Variants in TYW1B observed in about 807,000 individuals in gnomAD.
The protein encoded by TYW1B is S-adenosyl-L-methionine-dependent tRNA 4-demethylwyosine synthase TYW1B.
Under a neutral mutation model 86.9 loss-of-function variants are expected in TYW1B, and 73 were observed. That is an observed-to-expected ratio of 0.84 (90% CI 0.70 to 1.02). The LOEUF (loss-of-function observed/expected upper bound fraction) is 1.02, where lower values mean the gene tolerates loss of function less well. Among genes scored for constraint, TYW1B ranks in the 50% least tolerant of loss-of-function variants. The pLI, the probability that TYW1B is intolerant of heterozygous loss-of-function variation, is 0.00. For missense variants in TYW1B, 637 were observed against 827.4 expected (o/e 0.77, Z 2.82); for synonymous variants, 248 against 292.8 (o/e 0.85, Z 1.56).
At chr7:72,658,203 A>G (rs1370637473) in intron 11 of TYW1B, among the ~76,000 whole-genome samples, 1 of 152,138 alleles carries the variant, frequency 6.6e-6, no homozygotes, top group Non-Finnish European at 1.5e-5. Context: ...GTAAGCTGAG[A>G]TCGCGCCACT....
chr7:72,579,763 A>G (rs1254778126), intron 13 of TYW1B, among the ~76,000 whole-genome samples: 3 of 151,752 alleles, frequency 2.0e-5, no homozygotes, highest in African/African-American at 7.3e-5. Flanking sequence ...CCATCCTCCC[A>G]CCTCAGCCTC....
chr7:72,822,741 A>G (rs78481577), intron 2 of TYW1B, among the ~76,000 whole-genome samples: 10,043 of 125,494 alleles, frequency 0.08, no homozygotes, highest in Admixed American at 0.15. Context: ...GGGCATGGTG[A>G]TTCATGCCTC....
At position 72,575,118 on chromosome 7, in the gene TYW1B, G is replaced by A; in HGVS notation, c.*380C>T. On this transcript the variant is annotated 3_prime_UTR_variant, in exon 14 of 14. Coordinates refer to ENST00000620995, the MANE Select transcript of TYW1B (RefSeq NM_001145440.3). ...AGTGGCTGCTCCATGAAATCCAAGG[G>A]CCAGGTGAGGGGAAGAGGCCCAGGG... is the stretch of plus-strand genomic sequence containing the variant. 2.8e-6 allele frequency: 3 copies of A among 1,054,154 alleles called. No individual in the cohort carries two copies. The highest frequency in any genetic ancestry group is 3.4e-6 in the Non-Finnish European group (3 of 872,906). 65.3% of individuals were successfully genotyped at this position (1,054,154 alleles called of 1,614,324 possible).
chr7:72,657,729 C>A (rs1235729995), intron 11 of TYW1B, among the ~76,000 whole-genome samples: 1 of 152,134 alleles, frequency 6.6e-6, no homozygotes, highest in African/African-American at 2.4e-5. Flanking sequence ...AATACTACAT[C>A]CAGCAAAACT....
intron 6 of TYW1B, among the ~76,000 whole-genome samples, chr7:72,798,208 G>A (rs1255012987): frequency 3.3e-5 from 5 of 151,902 alleles, no homozygotes; most frequent in South Asian, 2.1e-4. Context: ...TCGAGACCAC[G>A]GTGAAACCCC....
chr7:72,706,821 T>G (rs750150207), intron 10 of TYW1B, among the ~76,000 whole-genome samples: 1 of 152,176 alleles, frequency 6.6e-6, no homozygotes, highest in Non-Finnish European at 1.5e-5. Context: ...AAGTCCAGAT[T>G]TTATGTAAAA....
chr7:72,773,587 G>C (rs1787902847), intron 7 of TYW1B, among the ~76,000 whole-genome samples: 1 of 152,202 alleles, frequency 6.6e-6, no homozygotes, highest in Non-Finnish European at 1.5e-5. Context: ...TTGAAAGCTA[G>C]AGAGATGAAA....
In TYW1B at chr7:72,796,432, C is replaced by T. The variant is rs574865817; in HGVS notation, c.846+5968G>A. 9.2e-3 allele frequency among the ~76,000 whole-genome samples: 1,284 copies of T among 139,904 alleles called. 13 individuals are homozygous for T. Among genetic ancestry groups the T allele is most frequent in the African/African-American group, 0.032 (1,225 of 37,904 alleles). 91.8% of individuals were successfully genotyped at this position (139,904 alleles called of 152,430 possible). A position where few individuals can be genotyped will look rare whatever the true frequency, so the allele number is the denominator to read the frequency against. The stretch of plus-strand genomic sequence containing the variant: ...CTAATTTTTAGTCGAGACAGGGTTT[C>T]ACCATGTTGGCCAGGTTGGTCTTGA... On this transcript the variant is annotated intron_variant, in intron 6 of 13. Coordinates refer to ENST00000620995, the MANE Select transcript of TYW1B (RefSeq NM_001145440.3).
chr7:72,721,314 A>C lies in TYW1B; in HGVS notation c.1192+7508T>G, dbSNP rs547082472. Among the ~76,000 whole-genome samples, 4 of 152,336 alleles carry C rather than the reference A, an allele frequency of 2.6e-5. No individual in the cohort carries two copies. In the East Asian group the frequency reaches 7.7e-4, roughly 29 times the overall value. On this transcript the variant is annotated intron_variant, in intron 9 of 13. Transcript: ENST00000620995. ...ATTTCTAGTTCTAGATCCTTGAGGA[A>C]TCACTACACTGTCTTCCACAATGGT...
rs377546262 is a variant in TYW1B at position 72,777,404 on chromosome 7, G to A, written c.964+12C>T. ...CTATAGTCATATAACAACAATTCTT[G>A]AAGATTTTCACCTTGTTTAGTAAGG... On this transcript the variant is annotated intron_variant, in intron 7 of 13. Coordinates refer to ENST00000620995, the MANE Select transcript of TYW1B (RefSeq NM_001145440.3). 27 of 1,612,188 alleles carry A rather than the reference G, an allele frequency of 1.7e-5. No individual in the cohort carries two copies. The highest frequency in any genetic ancestry group is 3.4e-5 in the Admixed American group (2 of 59,638).
chr7:72,760,515 T>C (rs1387570573), intron 7 of TYW1B, among the ~76,000 whole-genome samples: 1 of 152,198 alleles, frequency 6.6e-6, no homozygotes, highest in Non-Finnish European at 1.5e-5. Context: ...GTGTGCATAT[T>C]TATGTGTTTA....
intron 13 of TYW1B, among the ~76,000 whole-genome samples, chr7:72,615,537 C>G (rs1186359992): frequency 6.6e-6 from 1 of 152,086 alleles, no homozygotes; most frequent in Non-Finnish European, 1.5e-5. Flanking sequence ...GTACAGAATG[C>G]AATCACAGGT....
chr7:72,808,795 G>A (rs2129572639), intron 4 of TYW1B, among the ~76,000 whole-genome samples: 1 of 152,060 alleles, frequency 6.6e-6, no homozygotes, highest in East Asian at 1.9e-4. Flanking sequence ...CCAAAGTGCT[G>A]GCATTACAGG....
intron 2 of TYW1B, among the ~76,000 whole-genome samples, chr7:72,815,975 G>A (rs1788715068): frequency 2.0e-5 from 3 of 152,138 alleles, no homozygotes; most frequent in African/African-American, 7.2e-5. Flanking sequence ...GATACAGTGA[G>A]CTATGATCAC....
rs1814332041 is a variant in TYW1B at position 72,696,850 on chromosome 7, T to A, written c.1371-2028A>T. Among the ~76,000 whole-genome samples the A allele has an allele frequency of 3.3e-5, 5 of 152,178 alleles. No individual in the cohort carries two copies. In the South Asian group the frequency reaches 1.0e-3, roughly 32 times the overall value. Reference sequence around the variant, plus strand: ...TCTCATTGCTTTAATGCCTCTGCAATACCGATGTACTAAGGGGATCCTTTG... The same window carrying A: ...TCTCATTGCTTTAATGCCTCTGCAAAACCGATGTACTAAGGGGATCCTTTG... On this transcript the variant is annotated intron_variant, in intron 10 of 13. Transcript: ENST00000620995.
chr7:72,763,244 G>A (rs1341002472), intron 7 of TYW1B, among the ~76,000 whole-genome samples: 7 of 148,572 alleles, frequency 4.7e-5, no homozygotes, highest in South Asian at 2.1e-4. Flanking sequence ...GGAAAACTGA[G>A]CTTTAGAGGG....
At chr7:72,821,393 C>T (rs1788825517) in intron 2 of TYW1B, among the ~76,000 whole-genome samples, 1 of 152,390 alleles carries the variant, frequency 6.6e-6, no homozygotes, top group South Asian at 2.1e-4. Flanking sequence ...AACTTCATGT[C>T]CAACCTTGGA....
Position 72,602,700 on chromosome 7 carries a change from T to C in TYW1B, c.1785+13972A>G, listed in dbSNP as rs1354765741. On this transcript the variant is annotated intron_variant, in intron 13 of 13. Coordinates refer to ENST00000620995, the MANE Select transcript of TYW1B (RefSeq NM_001145440.3). ...GCCCAGCATGGCAGCATACATACAG[T>C]TTCCACTGAATTTGTATCGCTTTCA... is the stretch of plus-strand genomic sequence containing the variant. Among the ~76,000 whole-genome samples, 8 of 152,274 alleles carry C rather than the reference T, an allele frequency of 5.3e-5. No individual in the cohort carries two copies. The East Asian group carries it at 9.7e-4, about 18-fold the overall frequency.
At chr7:72,824,636 G>A (rs58899456) in intron 2 of TYW1B, among the ~76,000 whole-genome samples, 18,119 of 151,974 alleles carry the variant, frequency 0.12, 1,998 homozygotes, top group East Asian at 0.33. Flanking sequence ...AGCTACTAGG[G>A]AGGCTGAGGC....
Sources: gnomAD v4.1 joint callset for allele counts (sites outside exome capture counted in the v4.1 genomes callset) on GRCh38, gnomAD v4.1.1 for gene constraint, MANE v1.5 for transcripts, NCBI Gene and HGNC (gene_info 2026-07-23, HGNC 2026-07-21) for gene names.